Variants in RBFOX1 observed in about 807,000 individuals in gnomAD.
RBFOX1 encodes the protein RNA binding fox-1 homolog 1.
Under a neutral mutation model 57.7 loss-of-function variants are expected in RBFOX1, and 8 were observed. That is an observed-to-expected ratio of 0.14 (90% CI 0.08 to 0.25). The LOEUF (loss-of-function observed/expected upper bound fraction) is 0.25. Among genes scored for constraint, RBFOX1 ranks in the 10% least tolerant of loss-of-function variants. RBFOX1 has a pLI of 1.00. For synonymous variants in RBFOX1, 326 were observed against 222.4 expected, an observed-to-expected ratio of 1.47 and a Z score of -4.15; for missense variants, 611 against 548.5, an observed-to-expected ratio of 1.11 and a Z score of -1.14.
chr16:6,471,312 G>C (rs2095169645), intron 2 of RBFOX1, among the ~76,000 whole-genome samples: 1 of 152,154 alleles, frequency 6.6e-6, no homozygotes, highest in Non-Finnish European at 1.5e-5. Flanking sequence ...CCTTTAGTTA[G>C]AACAAGAGGC....
chr16:5,911,377 G>A (rs1231853469), intron 4 of RBFOX1, among the ~76,000 whole-genome samples: 1 of 152,184 alleles, frequency 6.6e-6, no homozygotes, highest in Non-Finnish European at 1.5e-5. Context: ...TTGTGCCACA[G>A]CCGTATCTTC....
At chr16:7,220,368 G>C (rs1401349532) in intron 4 of RBFOX1, among the ~76,000 whole-genome samples, 1 of 152,164 alleles carries the variant, frequency 6.6e-6, no homozygotes, top group Non-Finnish European at 1.5e-5. Flanking sequence ...CCAAGTATAG[G>C]ACAACTACTT....
intron 14 of RBFOX1, among the ~76,000 whole-genome samples, chr16:7,706,128 A>C (rs1177244791): frequency 6.6e-6 from 1 of 152,196 alleles, no homozygotes; most frequent in Admixed American, 6.5e-5. Flanking sequence ...GTAGCACTCA[A>C]GTCCACATCT....
At chr16:7,643,872 G>A in intron 11 of RBFOX1, among the ~76,000 whole-genome samples, 1 of 152,100 alleles carries the variant, frequency 6.6e-6, no homozygotes, top group East Asian at 1.9e-4. Context: ...CACACACACA[G>A]ACCCTCTAAT....
At chr16:5,426,182 C>A (rs553386613) in intron 1 of RBFOX1, among the ~76,000 whole-genome samples, 1 of 152,048 alleles carries the variant, frequency 6.6e-6, no homozygotes, top group African/African-American at 2.4e-5. Flanking sequence ...TGAACCTGCC[C>A]GGTGCAATTG....
At chr16:5,686,658 G>T (rs1376127243) in intron 3 of RBFOX1, among the ~76,000 whole-genome samples, 2 of 152,070 alleles carry the variant, frequency 1.3e-5, no homozygotes, top group Non-Finnish European at 1.5e-5. Context: ...ATATTGATTT[G>T]ACCCTCAGTA....
chr16:6,868,031 T>C (rs933101963), intron 3 of RBFOX1, among the ~76,000 whole-genome samples: 23 of 152,210 alleles, frequency 1.5e-4, no homozygotes, highest in Non-Finnish European at 2.1e-4. Context: ...AGTTAACTTA[T>C]TTGCGAAATA....
chr16:6,959,248 G>C (rs77247016), intron 3 of RBFOX1, among the ~76,000 whole-genome samples: 4 of 152,134 alleles, frequency 2.6e-5, no homozygotes, highest in African/African-American at 7.2e-5. Context: ...TCAGGGGACA[G>C]GCAGATTTTG....
chr16:7,662,529 A>T (rs1292441252), intron 12 of RBFOX1, among the ~76,000 whole-genome samples: 2 of 152,202 alleles, frequency 1.3e-5, no homozygotes, highest in Non-Finnish European at 2.9e-5. Flanking sequence ...TCCATCTTCT[A>T]GGTAACAAGC....
chr16:5,717,707 C>T (rs1041075202), intron 3 of RBFOX1, among the ~76,000 whole-genome samples: 1 of 152,216 alleles, frequency 6.6e-6, no homozygotes, highest in Non-Finnish European at 1.5e-5. Context: ...CAACACAGCA[C>T]TCTCTCTAAT....
At chr16:5,861,706 G>A (rs978752035) in intron 3 of RBFOX1, among the ~76,000 whole-genome samples, 1 of 152,150 alleles carries the variant, frequency 6.6e-6, no homozygotes, top group Non-Finnish European at 1.5e-5. Flanking sequence ...CATACACAGG[G>A]CATTTGTTGC....
intron 3 of RBFOX1, among the ~76,000 whole-genome samples, chr16:6,988,086 C>T (rs2090685639): frequency 6.6e-6 from 1 of 151,798 alleles, no homozygotes. Flanking sequence ...ATGGTAAAAC[C>T]AAGAATCAAA....
At chr16:6,831,210 A>C (rs12444936) in intron 3 of RBFOX1, among the ~76,000 whole-genome samples, 9,027 of 152,294 alleles carry the variant, frequency 0.059, 474 homozygotes, top group East Asian at 0.18. Context: ...AACACAGCTT[A>C]GTCTTACCTT....
At chr16:5,909,091 T>C (rs112627063) in intron 4 of RBFOX1, among the ~76,000 whole-genome samples, 132 of 132,840 alleles carry the variant, frequency 9.9e-4, no homozygotes, top group South Asian at 4.7e-3. Flanking sequence ...TAAGCCCCCC[T>C]TTTTTTTTTT....
chr16:6,992,068 C>G (rs892564582), intron 3 of RBFOX1, among the ~76,000 whole-genome samples: 2 of 152,106 alleles, frequency 1.3e-5, no homozygotes, highest in Non-Finnish European at 2.9e-5. Context: ...ATTGGCCTGT[C>G]TTTGCCAGAG....
At chr16:6,989,273 G>A (rs900342156) in intron 3 of RBFOX1, among the ~76,000 whole-genome samples, 1 of 152,126 alleles carries the variant, frequency 6.6e-6, no homozygotes, top group African/African-American at 2.4e-5. Context: ...CTCTTGGGCA[G>A]TATGGATCTG....
chr16:5,315,107 A>G lies in RBFOX1; in HGVS notation c.219+75002A>G, dbSNP rs139885379. 2.0e-5 allele frequency among the ~76,000 whole-genome samples: 3 copies of G among 152,250 alleles called. No individual in the cohort carries two copies. The East Asian group carries it at 5.8e-4, about 29-fold the overall frequency. ...TAGTTCTGGAGCCTTATGAATCATG[A>G]TGGAACCATTTGGAAGACGCATAAA... On this transcript the variant is annotated intron_variant, in intron 1 of 2. Coordinates refer to the RBFOX1 transcript ENST00000585867.
At chr16:7,528,577 C>A (rs1223021724) in intron 5 of RBFOX1, among the ~76,000 whole-genome samples, 1 of 152,080 alleles carries the variant, frequency 6.6e-6, no homozygotes, top group Non-Finnish European at 1.5e-5. Flanking sequence ...TCCTGGGGCT[C>A]CAGTGATCCT....
At chr16:5,649,736 C>A (rs1274775521) in intron 3 of RBFOX1, among the ~76,000 whole-genome samples, 1 of 152,174 alleles carries the variant, frequency 6.6e-6, no homozygotes, top group Non-Finnish European at 1.5e-5. Context: ...TTTCAACAAA[C>A]ACAAATTGAA....
Sources: allele counts gnomAD v4.1 joint callset (sites outside exome capture counted in the v4.1 genomes callset), GRCh38; gene constraint gnomAD v4.1.1; transcripts MANE v1.5; gene names NCBI Gene and HGNC (gene_info 2026-07-23, HGNC 2026-07-21).